SZT2: variants seen among roughly 807,000 people sequenced by gnomAD.
The protein encoded by SZT2 is KICSTOR complex protein SZT2.
Under a neutral mutation model 404.2 loss-of-function variants are expected in SZT2, and 216 were observed. The observed-to-expected ratio is 0.53, with a 90% CI of 0.48 to 0.60. SZT2 has a LOEUF of 0.60. Ranked by LOEUF, SZT2 falls within the 20% of genes least tolerant of loss-of-function variation. The pLI is 0.00. For missense variants in SZT2, 3,857 were observed against 4,459.2 expected (o/e 0.86, Z 3.85); for synonymous variants, 1,693 against 1,749.9 (o/e 0.97, Z 0.81).
chr1:43,447,257 C>A lies in SZT2; in HGVS notation c.9286+89C>A. ...GGGCTGGTGGGACCACCTCCCTGGA[C>A]AAGTGGTCCCATGTTGTTAATCATC... On this transcript the variant is annotated intron_variant, in intron 66 of 71. Coordinates refer to ENST00000634258, the MANE Select transcript of SZT2 (RefSeq NM_001365999.1). 3.6e-6 allele frequency: 5 copies of A among 1,371,392 alleles called. No homozygotes were observed. The South Asian group carries it at 6.6e-5, about 18-fold the overall frequency. The allele number at this position is 1,371,392 out of a possible 1,614,324, so 85.0% of individuals were successfully genotyped here.
At chr1:43,446,854 C>T (rs1366112211) in intron 65 of SZT2, 101 bp from the exon 66 acceptor site, 3 of 1,265,256 alleles carry the variant, frequency 2.4e-6, no homozygotes, top group Non-Finnish European at 3.3e-6. Flanking sequence ...GCCACAGCAG[C>T]AGGGGAAATC....
Position 43,429,585 on chromosome 1 carries a change from C to T in SZT2, c.4167-118C>T, listed in dbSNP as rs952101650. The stretch of plus-strand genomic sequence containing the variant: ...GCCTCTTTTACCACCCATGCCATTA[C>T]GCTAAGTACTCTTCCTGTGGACAAA... On this transcript the variant is annotated intron_variant, in intron 28 of 71. Transcript: ENST00000634258. 8.0e-5 allele frequency: 103 copies of T among 1,291,962 alleles called. No individual in the cohort carries two copies. The Middle Eastern group carries it at 1.1e-3, about 14-fold the overall frequency. The allele number at this position is 1,291,962 out of a possible 1,614,324, so 80.0% of individuals were successfully genotyped here.
In SZT2 at chr1:43,425,136, A is replaced by G; in HGVS notation, c.2574A>G (p.Ala858=). 1 of 1,614,204 alleles carries G rather than the reference A, an allele frequency of 6.2e-7. No homozygotes were observed. The highest frequency in any genetic ancestry group is 1.3e-5 in the African/African-American group (1 of 75,064). Residue 858 remains alanine, a synonymous_variant, in exon 18 of 72, where the codon GCA becomes GCG. Coordinates refer to ENST00000634258, the MANE Select transcript of SZT2 (RefSeq NM_001365999.1). The surrounding 1 kb of genome is among the most constrained non-coding windows in gnomAD (Gnocchi z 4.3). ...AGAATGAACCACCAGGGCAGGCTGCAGCTGAAGAGAAGCACACCTGTGTTG... is the reference window on the plus strand; with the variant it reads ...AGAATGAACCACCAGGGCAGGCTGCGGCTGAAGAGAAGCACACCTGTGTTG... The part of the protein sequence containing the change: ...PIQNEPPGQA[A]AEEKHTCVVQ...
chr1:43,422,203 G>A lies in SZT2; in HGVS notation c.1747G>A (p.Val583Met). 1.1e-5 allele frequency: 18 copies of A among 1,590,200 alleles called. No homozygotes were observed. The highest frequency in any genetic ancestry group is 1.4e-5 in the Non-Finnish European group (17 of 1,173,616). ...GCGATGGCTGCACATGCATCGCCTG[G>A]TGCTAATCCTGGAGCATGACACGTG... ...WQRWLHMHRLVLILEHDTPIP... is the reference protein window; with the variant it reads ...WQRWLHMHRLMLILEHDTPIP... The change falls in exon 12 of 72, where the codon GTG becomes ATG. Residue 583 changes from valine to methionine, a missense_variant. Val to Met is a conservative substitution (Grantham distance 21). Transcript: ENST00000634258.
At position 43,428,243 on chromosome 1, in the gene SZT2, T is replaced by C. The variant is rs1653423778; in HGVS notation, c.3923T>C (p.Leu1308Pro). 6.2e-7 allele frequency: 1 copy of C among 1,614,084 alleles called. No individual in the cohort carries two copies. Among genetic ancestry groups the C allele is most frequent in the Admixed American group, 1.7e-5 (1 of 60,012 alleles). ...EHAQRCYVRG[L>P]FRSLQQAQSV... ...TGGCCCCTTCCACTTCCATCAGGGC[T>C]ATTCCGCAGCTTGCAGCAAGCACAG... The change falls in exon 28 of 72, where the codon CTA becomes CCA. Residue 1308 changes from leucine (L) to proline (P), a missense_variant. By Grantham distance (98) the Leu-to-Pro change is moderately conservative. This residue lies in a region of SZT2 where 1,725 missense variants were observed against 1,881.0 expected (regional missense o/e 0.92). Coordinates refer to ENST00000634258, the MANE Select transcript of SZT2 (RefSeq NM_001365999.1).
rs1557553032 is a variant in SZT2, at chr1:43,425,240, CAG to C, written c.2645+36_2645+37del. 1 of 1,610,966 alleles carries C rather than the reference CAG, an allele frequency of 6.2e-7. No individual in the cohort carries two copies. Among genetic ancestry groups the C allele is most frequent in the South Asian group, 1.1e-5 (1 of 90,974 alleles). ...AGGCCATCTGTGAGGGCCGCCTCTG[CAG>C]AGTCAGCCTTCTCCCCACCATCCCC... is the stretch of plus-strand genomic sequence containing the variant. On this transcript the variant is annotated intron_variant, in intron 18 of 71. Coordinates refer to ENST00000634258, the MANE Select transcript of SZT2 (RefSeq NM_001365999.1). This position sits in a 1 kb window ranked among gnomAD's most constrained non-coding sequence, Gnocchi z 4.3.
Position 43,437,956 on chromosome 1 carries a change from TG to T in SZT2, c.6508+57del. ...CGCCACATGAGGTTCCAGAATCCTC[TG>T]GGACTTCTCTTAGAACCTTGCAAGC... is the stretch of plus-strand genomic sequence containing the variant. On this transcript the variant is annotated intron_variant, in intron 46 of 71. Transcript: ENST00000634258. The surrounding 1 kb of genome is among the most constrained non-coding windows in gnomAD (Gnocchi z 5.3). The T allele has an allele frequency of 6.4e-7, 1 of 1,558,498 alleles. No homozygotes were observed. The highest frequency in any genetic ancestry group is 8.8e-7 in the Non-Finnish European group (1 of 1,130,662).
Position 43,437,929 on chromosome 1 carries a change from G to A in SZT2, c.6508+27G>A, listed in dbSNP as rs1252091241. ...TAAGGTCTGAGGAGGGGGTAGGGGA[G>A]TCGCCACATGAGGTTCCAGAATCCT... On this transcript the variant is annotated intron_variant, in intron 46 of 71. Transcript: ENST00000634258. The surrounding 1 kb of genome is among the most constrained non-coding windows in gnomAD (Gnocchi z 5.3). 1 of 1,609,520 alleles carries A rather than the reference G, an allele frequency of 6.2e-7. No individual in the cohort carries two copies. Among genetic ancestry groups the A allele is most frequent in the Non-Finnish European group, 8.5e-7 (1 of 1,175,980 alleles).
intron 3 of SZT2, chr1:43,404,024 A>G (rs957156193): frequency 1.7e-5 from 9 of 537,856 alleles, no homozygotes; most frequent in African/African-American, 1.1e-4. Flanking sequence ...AGCCTGGGCC[A>G]CATGGCAAAA....
At chr1:43,415,028 G>A (rs1651531662) in intron 4 of SZT2, 54 bp from the exon 5 acceptor site, 2 of 1,573,710 alleles carry the variant, frequency 1.3e-6, no homozygotes, top group African/African-American at 2.7e-5. Context: ...CAGAAGTGTA[G>A]TGGTCTGTGC....
chr1:43,433,056 CT>C lies in SZT2; in HGVS notation c.5672del (p.Phe1891SerfsTer47). ...PNDTLGEKAP[F>X]TLRTPPGPAP... Reference sequence around the variant, plus strand: ...ATGACACCCTTGGTGAGAAGGCCCCCTTCACATTGCGGACTCCACCTGGGCC... The same window carrying C: ...ATGACACCCTTGGTGAGAAGGCCCCCTCACATTGCGGACTCCACCTGGGCC... On this transcript the variant is annotated frameshift_variant, in exon 40 of 72. Transcript: ENST00000634258. LOFTEE classifies it high-confidence loss of function. 1.9e-6 allele frequency: 3 copies of C among 1,614,154 alleles called. No homozygotes were observed. Among genetic ancestry groups the C allele is most frequent in the Non-Finnish European group, 2.5e-6 (3 of 1,180,034 alleles).
chr1:43,425,912 A>C lies in SZT2; in HGVS notation c.2892A>C (p.Glu964Asp). 1 of 1,614,142 alleles carries C rather than the reference A, an allele frequency of 6.2e-7. No individual in the cohort carries two copies. The highest frequency in any genetic ancestry group is 8.5e-7 in the Non-Finnish European group (1 of 1,180,002). ...TGATACAGCTGTGTCAGAGCAAGGA[A>C]TGGGGTCCTCTGCCCCCAGAGCCGA... is the stretch of plus-strand genomic sequence containing the variant. ...EYLIQLCQSK[E>D]WGPLPPEPRV... The change falls in exon 20 of 72, where the codon GAA (glutamate) becomes GAC (aspartate). Residue 964 changes from glutamate (E) to aspartate (D), a missense_variant. Physicochemically the swap from Glu to Asp is conservative, Grantham distance 45 (BLOSUM62 2). Around this residue, in one of 7 missense-constraint regions of SZT2, gnomAD observed 1,725 missense variants for 1,881.0 expected, o/e 0.92. Transcript: ENST00000634258. The surrounding 1 kb of genome is among the most constrained non-coding windows in gnomAD (Gnocchi z 4.3).
rs374437387 is a variant in SZT2 at position 43,433,001 on chromosome 1, G to A, written c.5615G>A (p.Gly1872Asp). The A allele has an allele frequency of 1.9e-6, 3 of 1,614,010 alleles. No individual in the cohort carries two copies. The highest frequency in any genetic ancestry group is 1.1e-5 in the South Asian group (1 of 91,082). Residue 1872 changes from glycine to aspartate, a missense_variant, in exon 40 of 72, where the codon GGC (glycine) becomes GAC (aspartate). Physicochemically the swap from Gly to Asp is moderately conservative, Grantham distance 94 (BLOSUM62 -1). Transcript: ENST00000634258. ...VDSDHLGYDG[G>D]SSGSDSEGPN... ...GCATCTGACACAGGTTATGATGGTG[G>A]CAGCAGTGGCTCAGACAGTGAGGGT...
At chr1:43,443,313 C>T (rs1467365110) in intron 60 of SZT2, 39 bp from the exon 61 acceptor site, 2 of 1,614,162 alleles carry the variant, frequency 1.2e-6, no homozygotes, top group Non-Finnish European at 1.7e-6. Context: ...TGTGATCCTG[C>T]CCCGTCACTG....
chr1:43,437,238 C>G lies in SZT2; in HGVS notation c.6102C>G (p.Gly2034=). ...CAGCCACAATGCAGTTTGTCCCTGG[C>G]CATTTCTCCTGTGACGTTGTGTGGG... ...YLAATMQFVP[G]HFSCDVVWGT... The change falls in exon 43 of 72, where the codon GGC becomes GGG. Residue 2034 remains glycine (G), a synonymous_variant. Coordinates refer to ENST00000634258, the MANE Select transcript of SZT2 (RefSeq NM_001365999.1). The surrounding 1 kb of genome is among the most constrained non-coding windows in gnomAD (Gnocchi z 5.3). 6.2e-7 allele frequency: 1 copy of G among 1,614,178 alleles called. No homozygotes were observed. Among genetic ancestry groups the G allele is most frequent in the Non-Finnish European group, 8.5e-7 (1 of 1,180,036 alleles).
In SZT2 at chr1:43,424,326, C is replaced by G; in HGVS notation, c.2365C>G (p.Leu789Val). The change falls in exon 16 of 72, where the codon CTG becomes GTG. Residue 789 changes from leucine (L) to valine (V), a missense_variant. Coordinates refer to ENST00000634258, the MANE Select transcript of SZT2 (RefSeq NM_001365999.1). The surrounding 1 kb of genome is among the most constrained non-coding windows in gnomAD (Gnocchi z 4.1). Reference sequence around the variant, plus strand: ...CTCAGCCTCTTCTAGCCTGGCGTCACTGTCCCGCTACCTCTACCATCAGCG... The same window carrying G: ...CTCAGCCTCTTCTAGCCTGGCGTCAGTGTCCCGCTACCTCTACCATCAGCG... ...GRSASSSLAS[L>V]SRYLYHQRWL... The G allele has an allele frequency of 3.1e-6, 5 of 1,598,122 alleles. No individual in the cohort carries two copies. The highest frequency in any genetic ancestry group is 4.2e-6 in the Non-Finnish European group (5 of 1,179,618).
chr1:43,431,170 A>T (rs1163661695), intron 33 of SZT2, 80 bp downstream of exon 33: 4 of 1,575,804 alleles, frequency 2.5e-6, no homozygotes, highest in Non-Finnish European at 2.6e-6. Context: ...GCACTTGGGG[A>T]CTAAGGAGAC....
rs371230784 is a variant in SZT2 at position 43,441,973 on chromosome 1, C to T, written c.7743-27C>T. 45 of 1,602,380 alleles carry T rather than the reference C, an allele frequency of 2.8e-5. No homozygotes were observed. The highest frequency in any genetic ancestry group is 3.3e-4 in the Middle Eastern group (2 of 6,000). ...GCCAGGGAGTGGTGTCATGGATGGC[C>T]TTTCTGTCTGTCCTCCCTTTCAATA... On this transcript the variant is annotated intron_variant, in intron 55 of 71. Transcript: ENST00000634258. The surrounding 1 kb of genome is among the most constrained non-coding windows in gnomAD (Gnocchi z 4.8).
chr1:43,450,479 G>A lies in SZT2; in HGVS notation c.10298G>A (p.Ter3433=). Reference sequence around the variant, plus strand: ...TTCACCCTCTGGACCCGCCTCCTCTGAGGGAGTGGACTGGACCACTGAATG... The same window carrying A: ...TTCACCCTCTGGACCCGCCTCCTCTAAGGGAGTGGACTGGACCACTGAATG... ...ACFTLWTRLL[*] Residue 3433 remains the stop codon, a stop_retained_variant, in exon 72 of 72, where the codon TGA becomes TAA. Transcript: ENST00000634258. This position sits in a 1 kb window ranked among gnomAD's most constrained non-coding sequence, Gnocchi z 4.3. 1 of 1,614,098 alleles carries A rather than the reference G, an allele frequency of 6.2e-7. No homozygotes were observed.
Sources: gnomAD v4.1 joint callset for allele counts on GRCh38, gnomAD v4.1.1 for gene constraint, gnomAD v4.1.1 regional missense constraint, Gnocchi (gnomAD v3.1) non-coding constraint, MANE v1.5 for transcripts, NCBI Gene and HGNC (gene_info 2026-07-23, HGNC 2026-07-21) for gene names.